Variants in TRPC5 observed in about 807,000 individuals in gnomAD.
TRPC5 encodes short transient receptor potential channel 5.
In TRPC5, 9 loss-of-function variants were observed where a neutral mutation model predicts 56.5. The ratio of observed to expected loss-of-function variants is 0.16; its 90% CI spans 0.10 to 0.28. TRPC5 has a LOEUF of 0.28. Ranked by LOEUF, TRPC5 falls within the 10% of genes least tolerant of loss-of-function variation. The probability of loss-of-function intolerance (pLI) is 1.00; values close to 1 mark genes in which losing one functional copy is unlikely to be tolerated. For synonymous variants in TRPC5, 282 were observed against 278.5 expected, an observed-to-expected ratio of 1.01 and a Z score of -0.13; for missense variants, 469 against 748.9, an observed-to-expected ratio of 0.63 and a Z score of 4.36.
intron 7 of TRPC5, among the ~76,000 whole-genome samples, chrX:111,826,667 T>C (rs1922246962): frequency 8.9e-6 from 1 of 112,706 alleles, no homozygotes; most frequent in Non-Finnish European, 1.9e-5. Context: ...TACTATTCCT[T>C]AGACTTACTA....
chrX:111,776,626 C>T lies in TRPC5; in HGVS notation c.2609G>A (p.Gly870Glu), dbSNP rs745391902. 2 of 1,211,740 alleles carry T rather than the reference C, an allele frequency of 1.7e-6. No individual in the cohort carries two copies. The highest frequency in any genetic ancestry group is 2.2e-6 in the Non-Finnish European group (2 of 895,467). ...SSEPMYTISD[G>E]IVQQHCMWQD... is the part of the protein sequence containing the mutation. The stretch of plus-strand genomic sequence containing the variant: ...CCACATACAGTGCTGCTGAACAATT[C>T]CATCAGAAATTGTGTACATTGGCTC... Residue 870 changes from glycine (G) to glutamate (E), a missense_variant, in exon 11 of 11, where the codon GGA becomes GAA. Gly to Glu is a moderately conservative substitution (Grantham distance 98). This residue lies in a region of TRPC5 where 194 missense variants were observed against 221.8 expected (regional missense o/e 0.87). Transcript: ENST00000262839.
chrX:111,840,597 A>G (rs1276195040), intron 6 of TRPC5, among the ~76,000 whole-genome samples: 6 of 111,940 alleles, frequency 5.4e-5, no homozygotes, highest in African/African-American at 1.9e-4. Context: ...CTATACGTCT[A>G]TAAAGTAGAG....
At chrX:111,880,180 G>T (rs1422606833) in intron 3 of TRPC5, among the ~76,000 whole-genome samples, 2 of 110,881 alleles carry the variant, frequency 1.8e-5, no homozygotes, top group African/African-American at 6.6e-5. Context: ...GTAGCATACA[G>T]ATTGTTTTAA....
rs1945844750 is a variant in TRPC5 at position 111,771,772 on chromosome X, G to C, written c.*4541C>G. Among the ~76,000 whole-genome samples the C allele has an allele frequency of 9.9e-6, 1 of 101,460 alleles. No homozygotes were observed. Among genetic ancestry groups the C allele is most frequent in the South Asian group, 4.0e-4 (1 of 2,519 alleles). The allele number at this position is 101,460 out of a possible 115,157, so 88.1% of individuals were successfully genotyped here. Reference sequence around the variant, plus strand: ...CCAGGTAAGTTATTCTGACCTAAATGCTTTTTTTTTTTTTAAACAAAACCA... The same window carrying C: ...CCAGGTAAGTTATTCTGACCTAAATCCTTTTTTTTTTTTTAAACAAAACCA... On this transcript the variant is annotated 3_prime_UTR_variant, in exon 11 of 11. Coordinates refer to ENST00000262839, the MANE Select transcript of TRPC5 (RefSeq NM_012471.3).
chrX:111,950,592 C>G (rs756991587), intron 2 of TRPC5, among the ~76,000 whole-genome samples: 1 of 111,440 alleles, frequency 9.0e-6, no homozygotes, highest in Non-Finnish European at 1.9e-5. Context: ...GCACCAAAAT[C>G]TCACAGATCA....
intron 6 of TRPC5, 60 bp from the exon 7 acceptor site, chrX:111,835,176 A>G (rs1922527466): frequency 2.0e-6 from 2 of 1,003,087 alleles, no homozygotes; most frequent in African/African-American, 3.8e-5. Flanking sequence ...AAAGAGAGAG[A>G]AAATGTAAGG....
chrX:111,793,213 A>G (rs918722580), intron 7 of TRPC5, among the ~76,000 whole-genome samples: 1 of 111,423 alleles, frequency 9.0e-6, no homozygotes, highest in East Asian at 2.8e-4. Flanking sequence ...GAGTCCCATC[A>G]GCGTCCCGAA....
rs753113648 is a variant in TRPC5 at position 111,854,370 on chromosome X, T to C, written c.901-264A>G. On this transcript the variant is annotated intron_variant, in intron 3 of 10. Coordinates refer to ENST00000262839, the MANE Select transcript of TRPC5 (RefSeq NM_012471.3). ...ACTCTGTCTGGTTCATGCTTTGGCA[T>C]ACCTTCCTATTGTCCCTCCCACCTT... 1.2e-4 allele frequency among the ~76,000 whole-genome samples: 13 copies of C among 111,931 alleles called. No homozygotes were observed. The South Asian group carries it at 4.5e-3, about 39-fold the overall frequency.
chrX:111,927,698 A>G (rs1194786186), intron 2 of TRPC5, among the ~76,000 whole-genome samples: 1 of 111,428 alleles, frequency 9.0e-6, no homozygotes, highest in Non-Finnish European at 1.9e-5. Context: ...GTGGACATGT[A>G]TCTCATGGCA....
chrX:112,034,692 T>A (rs1437200679), intron 1 of TRPC5, among the ~76,000 whole-genome samples: 1 of 110,819 alleles, frequency 9.0e-6, no homozygotes, highest in Non-Finnish European at 1.9e-5. Context: ...ATATGATCTT[T>A]TTGGTAATTT....
intron 7 of TRPC5, among the ~76,000 whole-genome samples, chrX:111,827,530 A>G (rs1922276351): frequency 9.0e-6 from 1 of 110,640 alleles, no homozygotes; most frequent in Non-Finnish European, 1.9e-5. Context: ...GGACAACTCC[A>G]CCCTGCCAGT....
chrX:112,042,356 G>A (rs1800692066), intron 1 of TRPC5, among the ~76,000 whole-genome samples: 1 of 111,225 alleles, frequency 9.0e-6, no homozygotes, highest in Non-Finnish European at 1.9e-5. Context: ...ATTGGACCTG[G>A]GGACTCTGAT....
At chrX:111,853,513 T>C (rs767899961) in intron 4 of TRPC5, among the ~76,000 whole-genome samples, 2 of 112,137 alleles carry the variant, frequency 1.8e-5, no homozygotes, top group South Asian at 3.7e-4. Context: ...CTAGACTAAC[T>C]GACAGACAGC....
chrX:111,781,299 G>A (rs1945917948), intron 8 of TRPC5, 93 bp from the exon 9 acceptor site: 2 of 802,074 alleles, frequency 2.5e-6, no homozygotes, highest in Admixed American at 4.8e-5. Flanking sequence ...TATATATTAG[G>A]ACTAGAGAAT....
chrX:111,789,295 A>T, intron 7 of TRPC5, among the ~76,000 whole-genome samples: 1 of 112,069 alleles, frequency 8.9e-6, no homozygotes, highest in Non-Finnish European at 1.9e-5. Context: ...GACAAACCTG[A>T]CAAAAACAAG....
At chrX:112,044,038 A>G (rs1043028836) in intron 1 of TRPC5, among the ~76,000 whole-genome samples, 25 of 111,928 alleles carry the variant, frequency 2.2e-4, no homozygotes, top group African/African-American at 7.8e-4. Flanking sequence ...TTGACCTTTA[A>G]ACACATCTGA....
intron 1 of TRPC5, among the ~76,000 whole-genome samples, chrX:112,012,371 T>C (rs770579564): frequency 3.6e-5 from 4 of 111,798 alleles, no homozygotes; most frequent in Non-Finnish European, 7.5e-5. Flanking sequence ...CAAGTCTCTT[T>C]TTTTTTCTTT....
chrX:111,952,739 T>G (rs73266323), intron 1 of TRPC5, among the ~76,000 whole-genome samples: 1 of 111,459 alleles, frequency 9.0e-6, no homozygotes, highest in Non-Finnish European at 1.9e-5. Context: ...TCAATCTTAA[T>G]AATATTACTC....
Position 111,768,345 on chromosome X carries a change from C to T in TRPC5, c.*7968G>A, listed in dbSNP as rs763820987. On this transcript the variant is annotated 3_prime_UTR_variant, in exon 11 of 11. Transcript: ENST00000262839. Reference sequence around the variant, plus strand: ...CTTAGAAGGTGAATTACACATAGCTCGTATTCTCTAGTATTCTCCTTCCTG... The same window carrying T: ...CTTAGAAGGTGAATTACACATAGCTTGTATTCTCTAGTATTCTCCTTCCTG... 3.6e-5 allele frequency among the ~76,000 whole-genome samples: 4 copies of T among 111,952 alleles called. No individual in the cohort carries two copies. Among genetic ancestry groups the T allele is most frequent in the Non-Finnish European group, 5.6e-5 (3 of 53,161 alleles).
Sources: allele counts gnomAD v4.1 joint callset (sites outside exome capture counted in the v4.1 genomes callset), GRCh38; gene constraint gnomAD v4.1.1; regional missense constraint gnomAD v4.1.1; transcripts MANE v1.5; gene names NCBI Gene and HGNC (gene_info 2026-07-23, HGNC 2026-07-21).